Variants in MIER1 observed in about 807,000 individuals in gnomAD.
MIER1 encodes MIER1 transcriptional regulator.
Under a neutral mutation model 75.7 loss-of-function variants are expected in MIER1, and 40 were observed. The ratio of observed to expected loss-of-function variants is 0.53; its 90% CI spans 0.41 to 0.69. MIER1 has a LOEUF of 0.69. Ranked by LOEUF, MIER1 falls within the 30% of genes least tolerant of loss-of-function variation. The pLI is 0.00. For missense variants in MIER1, 574 were observed against 680.2 expected (o/e 0.84, Z 1.74); for synonymous variants, 213 against 223.4 (o/e 0.95, Z 0.42).
At chr1:66,974,599 A>G (rs1162171485) in intron 11 of MIER1, among the ~76,000 whole-genome samples, 2 of 152,196 alleles carry the variant, frequency 1.3e-5, no homozygotes, top group African/African-American at 4.8e-5. Context: ...TTAAGAAATT[A>G]TAGGTGACTT....
At chr1:66,939,282 T>C (rs1441576930) in intron 2 of MIER1, among the ~76,000 whole-genome samples, 1 of 152,170 alleles carries the variant, frequency 6.6e-6, no homozygotes, top group Non-Finnish European at 1.5e-5. Flanking sequence ...CTGCGCATTG[T>C]CAAGCAGTAA....
intron 2 of MIER1, among the ~76,000 whole-genome samples, chr1:66,935,031 G>C (rs978448011): frequency 6.6e-6 from 1 of 152,172 alleles, no homozygotes; most frequent in African/African-American, 2.4e-5. Context: ...AATTTGTTCA[G>C]ACGGTAATAC....
intron 4 of MIER1, among the ~76,000 whole-genome samples, chr1:66,948,992 C>G (rs971335834): frequency 6.6e-6 from 1 of 152,226 alleles, no homozygotes; most frequent in East Asian, 1.9e-4. Flanking sequence ...AAGTAGGAGG[C>G]TGGGAAGCGA....
At chr1:66,967,385 T>G (rs1174790083) in intron 8 of MIER1, among the ~76,000 whole-genome samples, 1 of 152,212 alleles carries the variant, frequency 6.6e-6, no homozygotes, top group Non-Finnish European at 1.5e-5. Flanking sequence ...ACATGCTGTT[T>G]TAGTTACTGT....
intron 2 of MIER1, among the ~76,000 whole-genome samples, chr1:66,931,183 G>A (rs952563274): frequency 9.3e-5 from 14 of 151,226 alleles, no homozygotes; most frequent in Non-Finnish European, 2.1e-4. Flanking sequence ...AGTTCCTAAA[G>A]CCCCTTTTTT....
intron 3 of MIER1, among the ~76,000 whole-genome samples, chr1:66,940,726 A>G (rs559736337): frequency 1.3e-5 from 2 of 152,352 alleles, no homozygotes; most frequent in South Asian, 2.1e-4. Flanking sequence ...TATTTTATAT[A>G]TGAAATCTGG....
rs889314333 is a variant in MIER1 at position 66,988,257 on chromosome 1, T to G, written c.*3357T>G. Reference sequence around the variant, plus strand: ...TTTAACCTTTTATTCTAAAAATGACTCTCTTCTCTCAAAATGACTTTTTCT... The same window carrying G: ...TTTAACCTTTTATTCTAAAAATGACGCTCTTCTCTCAAAATGACTTTTTCT... On this transcript the variant is annotated 3_prime_UTR_variant, in exon 14 of 14. Coordinates refer to ENST00000401041, the MANE Select transcript of MIER1 (RefSeq NM_001077700.3). 4 of 152,270 alleles carry G rather than the reference T, an allele frequency of 2.6e-5. No homozygotes were observed. Among genetic ancestry groups the G allele is most frequent in the Admixed American group, 1.3e-4 (2 of 15,274 alleles). 9.4% of individuals were successfully genotyped at this position (152,270 alleles called of 1,614,324 possible). A position where few individuals can be genotyped will look rare whatever the true frequency, so the allele number is the denominator to read the frequency against.
chr1:66,940,786 G>A (rs927891544), intron 3 of MIER1, among the ~76,000 whole-genome samples: 1 of 152,124 alleles, frequency 6.6e-6, no homozygotes, highest in African/African-American at 2.4e-5. Context: ...GTTCTACATG[G>A]CAGTAATTCA....
At chr1:66,952,179 A>G (rs1659122978) in intron 4 of MIER1, among the ~76,000 whole-genome samples, 1 of 152,164 alleles carries the variant, frequency 6.6e-6, no homozygotes, top group Non-Finnish European at 1.5e-5. Flanking sequence ...TCGCCTTTTT[A>G]TACTCTTTTA....
In MIER1 at chr1:66,985,245, C is replaced by T. The variant is rs898754913; in HGVS notation, c.*345C>T. ...GTACCTTCTCATTTGATGTATTAAT[C>T]ATAAAATTTCACTACAAGGTAATTT... On this transcript the variant is annotated 3_prime_UTR_variant, in exon 14 of 14. Transcript: ENST00000401041. 2.9e-5 allele frequency: 28 copies of T among 972,012 alleles called. No individual in the cohort carries two copies. The highest frequency in any genetic ancestry group is 3.4e-5 in the Non-Finnish European group (28 of 817,178). The allele number at this position is 972,012 out of a possible 1,614,324, so 60.2% of individuals were successfully genotyped here. A position where few individuals can be genotyped will look rare whatever the true frequency, so the allele number is the denominator to read the frequency against.
intron 1 of MIER1, 200 bp downstream of exon 1, chr1:66,925,295 A>AGCTTC: frequency 1.0e-6 from 1 of 985,108 alleles, no homozygotes; most frequent in African/African-American, 1.7e-5. Flanking sequence ...GCGCATGCGC[A>AGCTTC]GCTTCCTCCC....
intron 2 of MIER1, among the ~76,000 whole-genome samples, chr1:66,937,426 A>C (rs1390900999): frequency 2.0e-5 from 3 of 152,064 alleles, no homozygotes; most frequent in African/African-American, 7.2e-5. Context: ...CTCTATTAAA[A>C]ACACAAAAGT....
intron 3 of MIER1, among the ~76,000 whole-genome samples, chr1:66,940,717 A>G (rs1656014900): frequency 6.6e-6 from 1 of 152,156 alleles, no homozygotes; most frequent in Admixed American, 6.5e-5. Context: ...CTTTAAGAAT[A>G]TTTTATATAT....
Position 66,925,074 on chromosome 1 carries a change from G to GGCGGCAGCA in MIER1, c.55_63dup (p.Ser19_Ser21dup), listed in dbSNP as rs1651149293. On this transcript the variant is annotated inframe_insertion, in exon 1 of 14. Transcript: ENST00000401041. The stretch of plus-strand genomic sequence containing the variant: ...CGGTGGCGGCAGCAGCGAAGGTGGC[G>GGCGGCAGCA]GCGGCAGCAGCGGCAGCGGCTGTAA... 5.2e-6 allele frequency: 8 copies of GGCGGCAGCA among 1,547,850 alleles called. No individual in the cohort carries two copies. The highest frequency in any genetic ancestry group is 7.0e-6 in the Non-Finnish European group (8 of 1,145,950).
intron 8 of MIER1, among the ~76,000 whole-genome samples, chr1:66,970,480 A>T (rs548544610): frequency 6.6e-6 from 1 of 152,272 alleles, no homozygotes; most frequent in South Asian, 2.1e-4. Flanking sequence ...CACAGATGAG[A>T]CAGAAGGGAA....
chr1:66,971,055 T>G, intron 9 of MIER1, 96 bp downstream of exon 9: 1 of 1,120,750 alleles, frequency 8.9e-7, no homozygotes, highest in Non-Finnish European at 1.2e-6. Context: ...ACCAAACTTT[T>G]TATAACATTA....
chr1:66,925,346 C>G (rs1651322034), intron 1 of MIER1: 1 of 985,454 alleles, frequency 1.0e-6, no homozygotes, highest in Non-Finnish European at 1.2e-6. Context: ...TTTTTGCCTT[C>G]GCGGTGGTGG....
At chr1:66,926,867 T>C (rs1007324604) in intron 2 of MIER1, among the ~76,000 whole-genome samples, 1 of 152,212 alleles carries the variant, frequency 6.6e-6, no homozygotes, top group African/African-American at 2.4e-5. Context: ...CAGTATTTTC[T>C]TGGTGCATTT....
At chr1:66,937,146 C>T (rs189610744) in intron 2 of MIER1, among the ~76,000 whole-genome samples, 2 of 152,114 alleles carry the variant, frequency 1.3e-5, no homozygotes, top group Non-Finnish European at 2.9e-5. Context: ...AGGGTCTAGA[C>T]TTCAGGCCTG....
Sources: allele counts gnomAD v4.1 joint callset (sites outside exome capture counted in the v4.1 genomes callset), GRCh38; gene constraint gnomAD v4.1.1; transcripts MANE v1.5; gene names NCBI Gene and HGNC (gene_info 2026-07-23, HGNC 2026-07-21).